Variants in ITSN1 observed in about 807,000 individuals in gnomAD.
The protein encoded by ITSN1 is intersectin 1, also known as intersectin-1.
A neutral mutation model predicts 239.8 loss-of-function variants in ITSN1; 58 were observed. The ratio of observed to expected loss-of-function variants is 0.24; its 90% CI spans 0.20 to 0.30. ITSN1 has a LOEUF of 0.30. ITSN1 is among the 10% of genes least tolerant of loss of function. The pLI is 1.00. For missense variants in ITSN1, 1,558 were observed against 2,103.3 expected (o/e 0.74, Z 5.07); for synonymous variants, 780 against 770.8 (o/e 1.01, Z -0.20).
At chr21:33,742,820 A>G (rs1483233624) in intron 5 of ITSN1, among the ~76,000 whole-genome samples, 1 of 152,250 alleles carries the variant, frequency 6.6e-6, no homozygotes, top group Non-Finnish European at 1.5e-5. Context: ...CATAAAAATG[A>G]GCAACAGAAA....
chr21:33,819,189 C>A, intron 23 of ITSN1, 52 bp from the exon 24 acceptor site: 3 of 1,363,930 alleles, frequency 2.2e-6, no homozygotes, highest in Non-Finnish European at 3.1e-6. Context: ...TGTCATTGTA[C>A]GATTTTCTTT....
intron 1 of ITSN1, among the ~76,000 whole-genome samples, chr21:33,653,235 T>A (rs1481821375): frequency 1.3e-5 from 2 of 152,142 alleles, no homozygotes; most frequent in African/African-American, 4.8e-5. Context: ...CTTCAGATGA[T>A]CTGCCCTCCT....
chr21:33,886,210 TAAA>T (rs559819556), intron 38 of ITSN1, 74 bp from the exon 39 acceptor site: 3,045 of 993,112 alleles, frequency 3.1e-3, no homozygotes, highest in Non-Finnish European at 3.4e-3. Context: ...AGAATCCATC[TAAA>T]AAAAAAAAAA....
At chr21:33,729,297 A>G (rs1338199866) in intron 4 of ITSN1, among the ~76,000 whole-genome samples, 2 of 152,108 alleles carry the variant, frequency 1.3e-5, no homozygotes, top group East Asian at 1.9e-4. Context: ...CTTTAAAAAA[A>G]AAATTATCCA....
chr21:33,794,427 A>G lies in ITSN1; in HGVS notation c.1911A>G (p.Arg637=). ...AERLKQKEQE[R]KIIELEKQKE... ...GACTGAAACAGAAAGAACAAGAACGAAAGATCATAGAATTAGAAAAACAAA... is the reference window on the plus strand; with the variant it reads ...GACTGAAACAGAAAGAACAAGAACGGAAGATCATAGAATTAGAAAAACAAA... The change falls in exon 17 of 40, where the codon CGA becomes CGG. Residue 637 remains arginine (R), a synonymous_variant. Transcript: ENST00000381318. The G allele has an allele frequency of 6.2e-7, 1 of 1,613,856 alleles. No homozygotes were observed. Among genetic ancestry groups the G allele is most frequent in the Non-Finnish European group, 8.5e-7 (1 of 1,179,920 alleles).
chr21:33,879,057 T>C (rs1447339892), intron 34 of ITSN1, among the ~76,000 whole-genome samples: 1 of 152,006 alleles, frequency 6.6e-6, no homozygotes, highest in East Asian at 1.9e-4. Context: ...GGATGAAGCA[T>C]TGGAGGCAGG....
chr21:33,813,969 C>G lies in ITSN1; in HGVS notation c.2624C>G (p.Ala875Gly). 6.2e-7 allele frequency: 1 copy of G among 1,614,080 alleles called. No individual in the cohort carries two copies. The highest frequency in any genetic ancestry group is 8.5e-7 in the Non-Finnish European group (1 of 1,180,022). ...PETDNWDAWA[A>G]QPSLTVPSAG... ...ACGGATAACTGGGATGCATGGGCAG[C>G]CCAGCCCTCTCTCACCGTTCCAAGT... Residue 875 changes from alanine to glycine, a missense_variant, in exon 22 of 40, where the codon GCC (alanine) becomes GGC (glycine). This residue lies in a region of ITSN1 where 982 missense variants were observed against 1,209.9 expected (regional missense o/e 0.81). Transcript: ENST00000381318.
At chr21:33,753,768 A>AAC (rs2067725818) in intron 7 of ITSN1, among the ~76,000 whole-genome samples, 2 of 148,412 alleles carry the variant, frequency 1.3e-5, no homozygotes, top group African/African-American at 5.1e-5. Context: ...TCTTAAAAAA[A>AAC]AAAAAAAAAA....
At chr21:33,826,046 C>T (rs746144122) in intron 25 of ITSN1, among the ~76,000 whole-genome samples, 2 of 152,168 alleles carry the variant, frequency 1.3e-5, no homozygotes, top group African/African-American at 2.4e-5. Flanking sequence ...CAACAGATTC[C>T]GTTCTGGCTC....
chr21:33,826,806 C>T lies in ITSN1; in HGVS notation c.3184-12C>T. 6.2e-7 allele frequency: 1 copy of T among 1,613,048 alleles called. No homozygotes were observed. Among genetic ancestry groups the T allele is most frequent in the Non-Finnish European group, 8.5e-7 (1 of 1,179,254 alleles). On this transcript the variant is annotated splice_polypyrimidine_tract_variant and intron_variant, in intron 25 of 39. Transcript: ENST00000381318. ...TTCAGCATGCAAATGAGACCTTTTGCTCTGTTTTAAGGGCTCTGGAACTGC... is the reference window on the plus strand; with the variant it reads ...TTCAGCATGCAAATGAGACCTTTTGTTCTGTTTTAAGGGCTCTGGAACTGC...
At chr21:33,711,545 T>G (rs956098925) in intron 1 of ITSN1, among the ~76,000 whole-genome samples, 6 of 151,082 alleles carry the variant, frequency 4.0e-5, no homozygotes, top group African/African-American at 1.5e-4. Flanking sequence ...GTCCTTTCTG[T>G]TTTTTTTTCT....
intron 1 of ITSN1, among the ~76,000 whole-genome samples, chr21:33,646,396 C>A (rs957128516): frequency 5.9e-5 from 9 of 152,146 alleles, no homozygotes; most frequent in Non-Finnish European, 1.3e-4. Context: ...ATTTTATAAA[C>A]CATAAGTCCA....
chr21:33,817,582 A>G (rs2148256639), intron 22 of ITSN1: 1 of 1,300,190 alleles, frequency 7.7e-7, no homozygotes, highest in Non-Finnish European at 1.0e-6. Context: ...TTACTTGTGA[A>G]TTACCTGCTA....
chr21:33,660,224 A>C (rs1053985258), intron 1 of ITSN1, among the ~76,000 whole-genome samples: 1 of 152,204 alleles, frequency 6.6e-6, no homozygotes, highest in East Asian at 1.9e-4. Context: ...TTGCCAAAAT[A>C]ATCTTTGTTA....
chr21:33,716,977 T>A (rs1010698222), intron 1 of ITSN1, among the ~76,000 whole-genome samples: 1 of 145,874 alleles, frequency 6.9e-6, no homozygotes. Context: ...AATGAGCCAA[T>A]GAACAAAAAA....
At chr21:33,878,230 A>G (rs951632999) in intron 34 of ITSN1, among the ~76,000 whole-genome samples, 1 of 152,116 alleles carries the variant, frequency 6.6e-6, no homozygotes, top group African/African-American at 2.4e-5. Context: ...ACAAGGACTC[A>G]CCATGTTGCC....
intron 15 of ITSN1, among the ~76,000 whole-genome samples, 192 bp from the exon 16 acceptor site, chr21:33,781,802 C>T (rs531697824): frequency 3.3e-5 from 5 of 152,304 alleles, no homozygotes; most frequent in Admixed American, 6.5e-5. Context: ...TGGTCTCGAA[C>T]TCCTGACCCC....
chr21:33,886,972 G>T (rs946165682), intron 39 of ITSN1, among the ~76,000 whole-genome samples: 3 of 152,068 alleles, frequency 2.0e-5, no homozygotes, highest in Non-Finnish European at 4.4e-5. Flanking sequence ...GCCTGGAAAA[G>T]AATAGTCTCA....
At chr21:33,672,362 A>G (rs1006228731) in intron 1 of ITSN1, among the ~76,000 whole-genome samples, 6 of 152,240 alleles carry the variant, frequency 3.9e-5, no homozygotes, top group African/African-American at 7.2e-5. Context: ...ATGTATACTC[A>G]TAAGTCTCTT....
Sources: allele counts gnomAD v4.1 joint callset (sites outside exome capture counted in the v4.1 genomes callset), GRCh38; gene constraint gnomAD v4.1.1; regional missense constraint gnomAD v4.1.1; transcripts MANE v1.5; gene names NCBI Gene and HGNC (gene_info 2026-07-23, HGNC 2026-07-21).